TVP23C: variants seen among roughly 807,000 people sequenced by gnomAD.
The protein encoded by TVP23C is trans-golgi network vesicle protein 23 homolog C, also known as Golgi apparatus membrane protein TVP23 homolog C.
A neutral mutation model predicts 28.7 loss-of-function variants in TVP23C; 19 were observed. The observed-to-expected ratio is 0.66, with a 90% confidence interval of 0.46 to 0.97. The LOEUF (loss-of-function observed/expected upper bound fraction) is 0.97. Ranked by LOEUF, TVP23C falls within the 50% of genes least tolerant of loss-of-function variation. The pLI, the probability that TVP23C is intolerant of heterozygous loss-of-function variation, is 0.00. For missense variants in TVP23C, 186 were observed against 241.3 expected (o/e 0.77, Z 1.52); for synonymous variants, 68 against 81.7 (o/e 0.83, Z 0.90).
chr17:15,540,730 C>G (rs1306027218), intron 5 of TVP23C, among the ~76,000 whole-genome samples, 169 bp from the exon 6 acceptor site: 1 of 151,792 alleles, frequency 6.6e-6, no homozygotes, highest in Non-Finnish European at 1.5e-5. Flanking sequence ...CAGAACAGAC[C>G]CATCTGATAG....
At chr17:15,510,525 G>A (rs1981953863) in intron 5 of TVP23C, among the ~76,000 whole-genome samples, 1 of 152,062 alleles carries the variant, frequency 6.6e-6, no homozygotes, top group African/African-American at 2.4e-5. Context: ...GCTTATAAAC[G>A]GCTGGTGAAA....
In TVP23C at chr17:15,537,263, C is replaced by A; in HGVS notation, c.*3149G>T. 1.6e-6 allele frequency: 1 copy of A among 613,026 alleles called. No homozygotes were observed. Among genetic ancestry groups the A allele is most frequent in the Non-Finnish European group, 2.0e-6 (1 of 494,198 alleles). 38.0% of individuals were successfully genotyped at this position (613,026 alleles called of 1,614,324 possible). On this transcript the variant is annotated 3_prime_UTR_variant, in exon 6 of 6. Transcript: ENST00000518321. ...ATACAAATGCATAATTTACAATATC[C>A]CCATTATAGCAAGAAAAAAATAGAT... is the stretch of plus-strand genomic sequence containing the variant.
At chr17:15,561,602 A>AAATGAATGAATGAATG (rs201163005) in intron 1 of TVP23C, among the ~76,000 whole-genome samples, 1 of 127,270 alleles carries the variant, frequency 7.9e-6, no homozygotes, top group African/African-American at 2.7e-5. Flanking sequence ...TCCGTCTCAT[A>AAATGAATGAATGAATG]AATGAATGAA....
chr17:15,546,686 G>C (rs1983660900), intron 4 of TVP23C, among the ~76,000 whole-genome samples: 1 of 147,574 alleles, frequency 6.8e-6, no homozygotes. Flanking sequence ...AGAAATGAAA[G>C]ACGACCACAG....
intron 5 of TVP23C, chr17:15,503,397 C>A (rs1261731232): frequency 2.3e-6 from 2 of 862,548 alleles, no homozygotes; most frequent in Non-Finnish European, 3.4e-6. Context: ...AGAGCAAGAC[C>A]ATGATATTTC....
chr17:15,522,623 T>G (rs1982526634), intron 5 of TVP23C, among the ~76,000 whole-genome samples: 1 of 152,238 alleles, frequency 6.6e-6, no homozygotes, highest in Admixed American at 6.5e-5. Context: ...AAAAGCAGCA[T>G]TTTATAACTT....
chr17:15,540,360 G>A lies in TVP23C; in HGVS notation c.*52C>T, dbSNP rs912916661. 34 of 1,489,648 alleles carry A rather than the reference G, an allele frequency of 2.3e-5. No individual in the cohort carries two copies. The highest frequency in any genetic ancestry group is 1.9e-4 in the Middle Eastern group (1 of 5,152). The allele number at this position is 1,489,648 out of a possible 1,614,324, so 92.3% of individuals were successfully genotyped here. A position where few individuals can be genotyped will look rare whatever the true frequency, so the allele number is the denominator to read the frequency against. On this transcript the variant is annotated 3_prime_UTR_variant, in exon 6 of 6. Transcript: ENST00000518321. ...GCCTTTAAAACTTCTGTTCAGGAGC[G>A]TTTCATAAAAATTAAACTATGAAAG...
At chr17:15,509,740 C>T (rs1981921918) in intron 5 of TVP23C, among the ~76,000 whole-genome samples, 2 of 152,176 alleles carry the variant, frequency 1.3e-5, no homozygotes, top group African/African-American at 4.8e-5. Context: ...AAAATCCACT[C>T]ATCCTTCAAG....
At chr17:15,511,609 A>G (rs57319180) in intron 5 of TVP23C, among the ~76,000 whole-genome samples, 8,374 of 152,170 alleles carry the variant, frequency 0.055, 782 homozygotes, top group African/African-American at 0.19. Flanking sequence ...AATTGGTTCC[A>G]TTTTCCCAGT....
rs1213859727 is a variant in TVP23C, at chr17:15,539,048, T to G, written c.*1364A>C. On this transcript the variant is annotated 3_prime_UTR_variant, in exon 6 of 6. Coordinates refer to ENST00000518321, the MANE Select transcript of TVP23C (RefSeq NM_001135036.2). ...CCACTATTAGCTGTATAATCTTAAG[T>G]AAATAATTTAATTTCTCGGGGCTTT... is the stretch of plus-strand genomic sequence containing the variant. 3 of 984,928 alleles carry G rather than the reference T, an allele frequency of 3.0e-6. No individual in the cohort carries two copies. The East Asian group carries it at 3.4e-4, about 112-fold the overall frequency. The allele number at this position is 984,928 out of a possible 1,614,324, so 61.0% of individuals were successfully genotyped here.
chr17:15,515,760 T>A (rs1000026878), intron 5 of TVP23C, among the ~76,000 whole-genome samples: 29 of 152,120 alleles, frequency 1.9e-4, no homozygotes, highest in Admixed American at 1.9e-3. Flanking sequence ...TCTGGGTGGA[T>A]TGCAGACCCG....
intron 5 of TVP23C, among the ~76,000 whole-genome samples, chr17:15,543,794 G>C (rs1288338973): frequency 6.6e-6 from 1 of 151,812 alleles, no homozygotes; most frequent in East Asian, 1.9e-4. Context: ...TCTGACATAA[G>C]AGTGAACTCT....
intron 1 of TVP23C, among the ~76,000 whole-genome samples, chr17:15,561,717 G>A (rs1034581004): frequency 2.4e-4 from 36 of 152,368 alleles, no homozygotes; most frequent in African/African-American, 7.5e-4. Context: ...CGGCCTGGGC[G>A]CAGGTTCAAA....
At chr17:15,508,510 C>G (rs1046670769) in intron 5 of TVP23C, among the ~76,000 whole-genome samples, 8 of 152,148 alleles carry the variant, frequency 5.3e-5, no homozygotes, top group African/African-American at 1.7e-4. Context: ...CCAAGAGCAC[C>G]CCTCCTGTTC....
chr17:15,506,015 G>A (rs942607803), intron 5 of TVP23C, among the ~76,000 whole-genome samples: 12 of 152,334 alleles, frequency 7.9e-5, no homozygotes, highest in East Asian at 3.9e-4. Context: ...CCCGACGAGC[G>A]CCACCCCCTG....
chr17:15,555,669 T>C (rs1190497204), intron 1 of TVP23C, among the ~76,000 whole-genome samples: 1 of 152,014 alleles, frequency 6.6e-6, no homozygotes, highest in African/African-American at 2.4e-5. Context: ...CCTCACCTGT[T>C]CTCTCCCAAG....
At position 15,538,162 on chromosome 17, in the gene TVP23C, G is replaced by T; in HGVS notation, c.*2250C>A. On this transcript the variant is annotated 3_prime_UTR_variant, in exon 6 of 6. Coordinates refer to ENST00000518321, the MANE Select transcript of TVP23C (RefSeq NM_001135036.2). ...TGATCATCTCCAGTGTTCCGCAAAA[G>T]ACAAAAAAAGAACTCCTTAACATCA... 1 of 1,613,082 alleles carries T rather than the reference G, an allele frequency of 6.2e-7. No homozygotes were observed. The highest frequency in any genetic ancestry group is 8.5e-7 in the Non-Finnish European group (1 of 1,179,686).
At chr17:15,527,751 T>C (rs1982786229) in intron 5 of TVP23C, among the ~76,000 whole-genome samples, 1 of 152,152 alleles carries the variant, frequency 6.6e-6, no homozygotes, top group Non-Finnish European at 1.5e-5. Context: ...CAGATCTGCC[T>C]GAATCAAATA....
At position 15,539,058 on chromosome 17, in the gene TVP23C, A is replaced by T; in HGVS notation, c.*1354T>A. 1 of 984,890 alleles carries T rather than the reference A, an allele frequency of 1.0e-6. No homozygotes were observed. The highest frequency in any genetic ancestry group is 1.2e-6 in the Non-Finnish European group (1 of 829,374). The allele number at this position is 984,890 out of a possible 1,614,324, so 61.0% of individuals were successfully genotyped here. A position where few individuals can be genotyped will look rare whatever the true frequency, so the allele number is the denominator to read the frequency against. ...CTGTATAATCTTAAGTAAATAATTT[A>T]ATTTCTCGGGGCTTTAGTTATCTAA... On this transcript the variant is annotated 3_prime_UTR_variant, in exon 6 of 6. Transcript: ENST00000518321.
Sources: gnomAD v4.1 joint callset for allele counts (sites outside exome capture counted in the v4.1 genomes callset) on GRCh38, gnomAD v4.1.1 for gene constraint, MANE v1.5 for transcripts, NCBI Gene and HGNC (gene_info 2026-07-23, HGNC 2026-07-21) for gene names.